Variants in ZFP91 observed in about 807,000 individuals in gnomAD.
The protein encoded by ZFP91 is E3 ubiquitin-protein ligase ZFP91.
In ZFP91, 7 loss-of-function variants were observed where a neutral mutation model predicts 63.5. That is an observed-to-expected ratio of 0.11 (90% CI 0.06 to 0.21). The LOEUF is 0.21. Among genes scored for constraint, ZFP91 ranks in the 10% least tolerant of loss-of-function variants. ZFP91 has a pLI of 1.00. For synonymous variants in ZFP91, 330 were observed against 272.1 expected (o/e 1.21, Z -2.10); for missense variants, 628 against 736.6 (o/e 0.85, Z 1.71).
chr11:58,595,732 C>T (rs1038639324), intron 2 of ZFP91, among the ~76,000 whole-genome samples: 7 of 152,008 alleles, frequency 4.6e-5, no homozygotes, highest in South Asian at 2.1e-4. Context: ...GCGCCACCAC[C>T]GGCCTGGCTA....
At chr11:58,612,531 A>G (rs921608372) in intron 7 of ZFP91, 4 of 625,206 alleles carry the variant, frequency 6.4e-6, no homozygotes, top group Middle Eastern at 4.1e-4. Flanking sequence ...TTAATACTTT[A>G]CCTTTGGGGG....
intron 8 of ZFP91, among the ~76,000 whole-genome samples, chr11:58,613,867 A>G (rs1234424193): frequency 1.3e-5 from 2 of 152,186 alleles, no homozygotes; most frequent in African/African-American, 2.4e-5. Flanking sequence ...AGTTATAACA[A>G]TAGCCGCTCC....
At chr11:58,585,466 T>C (rs1855190734) in intron 2 of ZFP91, among the ~76,000 whole-genome samples, 1 of 152,216 alleles carries the variant, frequency 6.6e-6, no homozygotes, top group Non-Finnish European at 1.5e-5. Context: ...GTTGGACCAG[T>C]TGCTTATTCG....
rs753859400 is a variant in ZFP91, at chr11:58,617,069, ATTGT to A, written c.1203-126_1203-123del. The A allele has an allele frequency of 2.7e-6, 2 of 737,150 alleles. No individual in the cohort carries two copies. Among genetic ancestry groups the A allele is most frequent in the Non-Finnish European group, 2.0e-6 (1 of 500,810 alleles). 45.7% of individuals were successfully genotyped at this position (737,150 alleles called of 1,614,324 possible). A position where few individuals can be genotyped will look rare whatever the true frequency, so the allele number is the denominator to read the frequency against. The stretch of plus-strand genomic sequence containing the variant: ...CTTCAAAAGAAGTATGTTACTGATT[ATTGT>A]GTGTGTGTGTGTGTGTGTGTGTGTG... On this transcript the variant is annotated intron_variant, in intron 10 of 10. Transcript: ENST00000316059. This position sits in a 1 kb window ranked among gnomAD's most constrained non-coding sequence, Gnocchi z 4.2.
At position 58,620,838 on chromosome 11, in the gene ZFP91, T is replaced by C. The variant is rs1204557354; in HGVS notation, c.*3132T>C. On this transcript the variant is annotated 3_prime_UTR_variant, in exon 11 of 11. Coordinates refer to ENST00000316059, the MANE Select transcript of ZFP91 (RefSeq NM_053023.5). Reference sequence around the variant, plus strand: ...AAAATATTTTATTTCTTAAAAGCCTTTTTTGCCTGTTGTAATGTGCAGGAC... The same window carrying C: ...AAAATATTTTATTTCTTAAAAGCCTCTTTTGCCTGTTGTAATGTGCAGGAC... 2.0e-5 allele frequency: 3 copies of C among 152,642 alleles called. No individual in the cohort carries two copies. The highest frequency in any genetic ancestry group is 4.8e-5 in the African/African-American group (2 of 41,450). The allele number at this position is 152,642 out of a possible 1,614,324, so 9.5% of individuals were successfully genotyped here. A position where few individuals can be genotyped will look rare whatever the true frequency, so the allele number is the denominator to read the frequency against.
intron 2 of ZFP91, among the ~76,000 whole-genome samples, chr11:58,585,622 G>A (rs1855194688): frequency 1.3e-5 from 2 of 152,132 alleles, no homozygotes; most frequent in African/African-American, 2.4e-5. Flanking sequence ...GACACAGCCA[G>A]TTTCCAAACT....
Position 58,585,742 on chromosome 11 carries a change from T to C in ZFP91, c.370+858T>C, listed in dbSNP as rs560799409. ...TTTATATATCAGTGTATGTATTACATGTACATGAGAATCTTAAGGTTTTTC... is the reference window on the plus strand; with the variant it reads ...TTTATATATCAGTGTATGTATTACACGTACATGAGAATCTTAAGGTTTTTC... On this transcript the variant is annotated intron_variant, in intron 2 of 10. Transcript: ENST00000316059. Among the ~76,000 whole-genome samples, 79 of 152,320 alleles carry C rather than the reference T, an allele frequency of 5.2e-4. 1 individual carries two copies. The highest frequency in any genetic ancestry group is 1.8e-3 in the African/African-American group (75 of 41,570).
chr11:58,587,862 G>C lies in ZFP91; in HGVS notation c.370+2978G>C, dbSNP rs139827285. Among the ~76,000 whole-genome samples, 77 of 152,136 alleles carry C rather than the reference G, an allele frequency of 5.1e-4. 2 individuals carry two copies. In the East Asian group the frequency reaches 0.013, roughly 26 times the overall value. On this transcript the variant is annotated intron_variant, in intron 2 of 10. Transcript: ENST00000316059. ...TCTCAAGATAAAACATAAAAATGGA[G>C]ACCAGAATACCTTAATGTTTATTAA...
At position 58,611,658 on chromosome 11, in the gene ZFP91, G is replaced by A. The variant is rs755166934; in HGVS notation, c.777G>A (p.Lys259=). The A allele has an allele frequency of 1.2e-6, 2 of 1,612,812 alleles. No individual in the cohort carries two copies. The highest frequency in any genetic ancestry group is 4.5e-5 in the East Asian group (2 of 44,774). ...GGAAGGTAAAAGAAGAGAAGGAGAAGAAGGAAATTAAAGTGGAAGTAGAGG... is the reference window on the plus strand; with the variant it reads ...GGAAGGTAAAAGAAGAGAAGGAGAAAAAGGAAATTAAAGTGGAAGTAGAGG... ...KSGKVKEEKE[K]KEIKVEVEVE... Residue 259 remains lysine (K), a synonymous_variant, in exon 6 of 11, where the codon AAG becomes AAA. Transcript: ENST00000316059.
At chr11:58,615,017 A>G (rs752138155) in intron 9 of ZFP91, among the ~76,000 whole-genome samples, 12 of 152,188 alleles carry the variant, frequency 7.9e-5, no homozygotes, top group Non-Finnish European at 1.3e-4. Flanking sequence ...AAGTCTAGGA[A>G]TTCTAGTTGT....
chr11:58,579,308 AC>A lies in ZFP91; in HGVS notation c.32del (p.Pro11ArgfsTer40), dbSNP rs1447418115. MPGETEEPR[P>X]PEQQDQEGGE... ...TGCCGGGGGAGACGGAAGAGCCGAG[AC>A]CCCCGGAGCAGCAGGACCAGGAAGG... On this transcript the variant is annotated frameshift_variant, in exon 1 of 11. Coordinates refer to ENST00000316059, the MANE Select transcript of ZFP91 (RefSeq NM_053023.5). LOFTEE classifies it high-confidence loss of function. The A allele has an allele frequency of 1.3e-6, 2 of 1,482,688 alleles. No individual in the cohort carries two copies. The highest frequency in any genetic ancestry group is 8.9e-7 in the Non-Finnish European group (1 of 1,121,990). 91.8% of individuals were successfully genotyped at this position (1,482,688 alleles called of 1,614,324 possible). A position where few individuals can be genotyped will look rare whatever the true frequency, so the allele number is the denominator to read the frequency against.
chr11:58,621,116 C>T lies in ZFP91; in HGVS notation c.*3410C>T, dbSNP rs1855844185. 6.6e-6 allele frequency: 1 copy of T among 152,618 alleles called. No individual in the cohort carries two copies. Among genetic ancestry groups the T allele is most frequent in the Admixed American group, 6.5e-5 (1 of 15,270 alleles). 9.5% of individuals were successfully genotyped at this position (152,618 alleles called of 1,614,324 possible). Reference sequence around the variant, plus strand: ...AAACATGTGATGCTGCTAAGCAAACCAAATGCCCTCAGAACAGGTGTTATG... The same window carrying T: ...AAACATGTGATGCTGCTAAGCAAACTAAATGCCCTCAGAACAGGTGTTATG... On this transcript the variant is annotated 3_prime_UTR_variant, in exon 11 of 11. Coordinates refer to ENST00000316059, the MANE Select transcript of ZFP91 (RefSeq NM_053023.5).
Position 58,610,313 on chromosome 11 carries a change from A to G in ZFP91, c.596A>G (p.His199Arg), listed in dbSNP as rs1337627535. 8 of 1,600,408 alleles carry G rather than the reference A, an allele frequency of 5.0e-6. No individual in the cohort carries two copies. The highest frequency in any genetic ancestry group is 4.5e-5 in the South Asian group (4 of 88,076). Residue 199 changes from histidine to arginine, a missense_variant, in exon 4 of 11, where the codon CAT becomes CGT. Physicochemically the swap from His to Arg is conservative, Grantham distance 29. This residue lies in a region of ZFP91 where 437 missense variants were observed against 380.3 expected (regional missense o/e 1.15). Coordinates refer to ENST00000316059, the MANE Select transcript of ZFP91 (RefSeq NM_053023.5). ...GTTTTTCTAGATGTTGGAGAAGAGC[A>G]TCAGTCTCCAGGTGGCATTAGGTAA... ...DQLDYDVGEE[H>R]QSPGGISSEE...
At chr11:58,595,381 G>A (rs1231923589) in intron 2 of ZFP91, among the ~76,000 whole-genome samples, 3 of 151,942 alleles carry the variant, frequency 2.0e-5, no homozygotes, top group Admixed American at 6.6e-5. Flanking sequence ...TAAAATAATA[G>A]CATTGATTAT....
intron 2 of ZFP91, among the ~76,000 whole-genome samples, chr11:58,590,620 A>AGAT (rs1855288118): frequency 1.3e-5 from 2 of 152,354 alleles, no homozygotes; most frequent in Admixed American, 6.5e-5. Context: ...CCTATAAGCA[A>AGAT]GATATACTGC....
Position 58,621,445 on chromosome 11 carries a change from A to AC in ZFP91, c.*3740dup, listed in dbSNP as rs1411349167. 6.6e-6 allele frequency among the ~76,000 whole-genome samples: 1 copy of AC among 152,208 alleles called. No individual in the cohort carries two copies. Among genetic ancestry groups the AC allele is most frequent in the Non-Finnish European group, 1.5e-5 (1 of 68,040 alleles). ...TGATTTTTATTTTAAAAAAGAAAAA[A>AC]CTATAATCCTTCTGCCTTCCAAAAG... On this transcript the variant is annotated 3_prime_UTR_variant, in exon 11 of 11. Transcript: ENST00000316059.
intron 6 of ZFP91, chr11:58,612,063 T>C (rs1361161109): frequency 2.9e-5 from 17 of 581,308 alleles, no homozygotes; most frequent in Admixed American, 3.3e-5. Context: ...GGAAGGTATA[T>C]ATTTAATCTG....
intron 5 of ZFP91, 95 bp from the exon 6 acceptor site, chr11:58,611,509 T>C (rs1320224774): frequency 2.1e-6 from 3 of 1,455,386 alleles, no homozygotes; most frequent in East Asian, 2.3e-5. Context: ...GGTAGTTTTA[T>C]AACAAATCAG....
chr11:58,586,008 T>A (rs1008834602), intron 2 of ZFP91, among the ~76,000 whole-genome samples: 1 of 151,922 alleles, frequency 6.6e-6, no homozygotes, highest in Non-Finnish European at 1.5e-5. Context: ...TTTTTTTTTA[T>A]TTAGAAACCT....
Sources: gnomAD v4.1 joint callset for allele counts (sites outside exome capture counted in the v4.1 genomes callset) on GRCh38, gnomAD v4.1.1 for gene constraint, gnomAD v4.1.1 regional missense constraint, Gnocchi (gnomAD v3.1) non-coding constraint, MANE v1.5 for transcripts, NCBI Gene and HGNC (gene_info 2026-07-23, HGNC 2026-07-21) for gene names.